Variants in HERC2 observed in about 807,000 individuals in gnomAD.
HERC2 encodes E3 ubiquitin-protein ligase HERC2.
A neutral mutation model predicts 537.7 loss-of-function variants in HERC2; 102 were observed. The ratio of observed to expected loss-of-function variants is 0.19; its 90% CI spans 0.16 to 0.22. The LOEUF is 0.22. HERC2 is among the 10% of genes least tolerant of loss of function. The pLI is 1.00. For synonymous variants in HERC2, 2,224 were observed against 2,466.2 expected (o/e 0.90, Z 2.91); for missense variants, 4,236 against 6,198.2 (o/e 0.68, Z 10.63).
chr15:28,132,929 A>C, intron 79 of HERC2, 99 bp from the exon 80 acceptor site: 9 of 966,412 alleles, frequency 9.3e-6, no homozygotes, highest in Non-Finnish European at 1.3e-5. Context: ...CTAATCAGTT[A>C]ATTGTTAAAT....
intron 20 of HERC2, among the ~76,000 whole-genome samples, chr15:28,249,863 C>T (rs1904108978): frequency 1.3e-5 from 2 of 150,582 alleles, no homozygotes; most frequent in Non-Finnish European, 3.0e-5. Flanking sequence ...ACTATGTAAA[C>T]CCAGGATGGT....
intron 4 of HERC2, among the ~76,000 whole-genome samples, chr15:28,289,181 G>A (rs1181654129): frequency 6.6e-6 from 1 of 151,974 alleles, no homozygotes; most frequent in Non-Finnish European, 1.5e-5. Flanking sequence ...GAATAAAGAA[G>A]CAAGACCTAA....
rs544750972 is a variant in HERC2, at chr15:28,303,514, T to C, written c.73-3998A>G. Reference sequence around the variant, plus strand: ...CTCCAGTTTTGTTTTTTGCTCAGGATGGCTTTGGCTATTCTGTCTCTTTTG... The same window carrying C: ...CTCCAGTTTTGTTTTTTGCTCAGGACGGCTTTGGCTATTCTGTCTCTTTTG... On this transcript the variant is annotated intron_variant, in intron 2 of 92. Transcript: ENST00000261609. 2.0e-5 allele frequency among the ~76,000 whole-genome samples: 3 copies of C among 152,356 alleles called. No homozygotes were observed. The South Asian group carries it at 6.2e-4, about 32-fold the overall frequency.
intron 55 of HERC2, among the ~76,000 whole-genome samples, chr15:28,187,931 C>T (rs776877918): frequency 1.3e-5 from 2 of 152,108 alleles, no homozygotes; most frequent in East Asian, 1.9e-4. Context: ...TTCATGTGAA[C>T]GAAGAGAGAT....
intron 72 of HERC2, 144 bp from the exon 73 acceptor site, chr15:28,144,379 C>A (rs1338601165): frequency 4.8e-6 from 4 of 829,446 alleles, no homozygotes; most frequent in Non-Finnish European, 7.4e-6. Flanking sequence ...CACTGCGAGT[C>A]GGTGAGACTC....
chr15:28,186,116 T>C (rs1258754995), intron 56 of HERC2, among the ~76,000 whole-genome samples: 1 of 152,192 alleles, frequency 6.6e-6, no homozygotes, highest in African/African-American at 2.4e-5. Context: ...AATATGAATG[T>C]ACTTAATGCC....
chr15:28,296,360 G>A (rs1021038058), intron 3 of HERC2, among the ~76,000 whole-genome samples: 3 of 152,072 alleles, frequency 2.0e-5, no homozygotes, highest in African/African-American at 7.2e-5. Flanking sequence ...TGTAATCCTA[G>A]CTACTCAGGA....
Position 28,263,105 on chromosome 15 carries a change from G to A in HERC2, c.1935C>T (p.Cys645=). Residue 645 remains cysteine (C), a synonymous_variant, in exon 15 of 93, where the codon TGC becomes TGT. Transcript: ENST00000261609. The part of the protein sequence containing the change: ...GKLGRGGSDG[C]KTPKLIEKLQ... ...GCTTTTCAATCAGCTTTGGGGTTTT[G>A]CAGCCATCACTACCACCTCTGCCCA... 1 of 1,614,144 alleles carries A rather than the reference G, an allele frequency of 6.2e-7. No homozygotes were observed. The highest frequency in any genetic ancestry group is 1.1e-5 in the South Asian group (1 of 91,084).
intron 2 of HERC2, among the ~76,000 whole-genome samples, chr15:28,318,729 C>T (rs1348330181): frequency 6.6e-6 from 1 of 152,090 alleles, no homozygotes; most frequent in Non-Finnish European, 1.5e-5. Context: ...ATGTAGGGCC[C>T]TAGGCCTGAC....
In HERC2 at chr15:28,163,248, G is replaced by A; in HGVS notation, c.10592C>T (p.Pro3531Leu). The change falls in exon 69 of 93, where the codon CCT becomes CTT. Residue 3531 changes from proline to leucine, a missense_variant. By Grantham distance (98) the Pro-to-Leu change is moderately conservative. Around this residue, in one of 27 missense-constraint regions of HERC2, gnomAD observed 356 missense variants for 450.9 expected, o/e 0.79. Transcript: ENST00000261609. The part of the protein sequence containing the change: ...ESQNKAAGPE[P>L]QALDEFTSLL... Reference sequence around the variant, plus strand: ...ACTGGTGAACTCATCCAAGGCCTGAGGCTCCGGACCTGCTGCTTTATTTTG... The same window carrying A: ...ACTGGTGAACTCATCCAAGGCCTGAAGCTCCGGACCTGCTGCTTTATTTTG... 6.2e-7 allele frequency: 1 copy of A among 1,613,788 alleles called. No homozygotes were observed.
intron 6 of HERC2, 74 bp downstream of exon 6, chr15:28,274,831 G>A: frequency 1.7e-6 from 2 of 1,166,818 alleles, no homozygotes; most frequent in Non-Finnish European, 2.5e-6. Flanking sequence ...GCACATGGTG[G>A]CTGAACCGAG....
intron 56 of HERC2, among the ~76,000 whole-genome samples, chr15:28,183,198 T>C (rs925690797): frequency 6.6e-6 from 1 of 151,990 alleles, no homozygotes; most frequent in Non-Finnish European, 1.5e-5. Context: ...CCTCAACAGG[T>C]TAGGAGTTTA....
chr15:28,251,687 C>A (rs1206269428), intron 20 of HERC2, among the ~76,000 whole-genome samples: 1 of 151,942 alleles, frequency 6.6e-6, no homozygotes, highest in Non-Finnish European at 1.5e-5. Flanking sequence ...GTGGTCCCAG[C>A]TGCTCGGGAG....
Position 28,233,467 on chromosome 15 carries a change from T to C in HERC2, c.4446A>G (p.Arg1482=), listed in dbSNP as rs759940759. The C allele has an allele frequency of 2.8e-6, 4 of 1,433,434 alleles. No homozygotes were observed. In the Admixed American group the frequency reaches 5.0e-5, roughly 18 times the overall value. 88.8% of individuals were successfully genotyped at this position (1,433,434 alleles called of 1,614,324 possible). ...TLPKSVVDVC[R]VVYQAKCSLI... ...GCGAACATTTTGCTTGGTAGACAAC[T>C]CTACAAACATCCACCACTGACTTAG... Residue 1482 remains arginine, a synonymous_variant, in exon 29 of 93, where the codon AGA becomes AGG. Transcript: ENST00000261609.
intron 71 of HERC2, among the ~76,000 whole-genome samples, chr15:28,145,800 C>T (rs1891671210): frequency 6.6e-6 from 1 of 152,220 alleles, no homozygotes; most frequent in African/African-American, 2.4e-5. Context: ...TCCCAGCTGG[C>T]CTCATGGAGC....
rs1567136985 is a variant in HERC2, at chr15:28,299,503, C to G, written c.86G>C (p.Arg29Thr). 6.9e-7 allele frequency: 1 copy of G among 1,451,568 alleles called. No homozygotes were observed. The highest frequency in any genetic ancestry group is 9.7e-7 in the Non-Finnish European group (1 of 1,032,694). The allele number at this position is 1,451,568 out of a possible 1,614,324, so 89.9% of individuals were successfully genotyped here. A position where few individuals can be genotyped will look rare whatever the true frequency, so the allele number is the denominator to read the frequency against. Residue 29 changes from arginine (R) to threonine (T), a missense_variant, in exon 3 of 93, where the codon AGA (arginine) becomes ACA (threonine). This residue lies in a region of HERC2 where 13 missense variants were observed against 43.1 expected (regional missense o/e 0.30). Coordinates refer to ENST00000261609, the MANE Select transcript of HERC2 (RefSeq NM_004667.6). ...LKTDIQLAFTRDGLCGLWNEM... is the reference protein window; with the variant it reads ...LKTDIQLAFTTDGLCGLWNEM... ...ATTCCACAGACCACAGAGCCCATCTCTTGTGAATGCAAGCTGGCAATGATA... is the reference window on the plus strand; with the variant it reads ...ATTCCACAGACCACAGAGCCCATCTGTTGTGAATGCAAGCTGGCAATGATA...
rs750356828 is a variant in HERC2 at position 28,229,816 on chromosome 15, G to C, written c.4841C>G (p.Thr1614Arg). ...CAACCACTTGTATTTGTGAACACCTGTAACAGTACTCAACAGCGGCTGCCA... is the reference window on the plus strand; with the variant it reads ...CAACCACTTGTATTTGTGAACACCTCTAACAGTACTCAACAGCGGCTGCCA... Reference protein sequence around the residue: ...DKWQPLLSTVTGVHKYKWLKQ... With the variant: ...DKWQPLLSTVRGVHKYKWLKQ... The change falls in exon 32 of 93, where the codon ACA becomes AGA. Residue 1614 changes from threonine to arginine, a missense_variant. By Grantham distance (71) the Thr-to-Arg change is moderately conservative. Around this residue, in one of 27 missense-constraint regions of HERC2, gnomAD observed 343 missense variants for 417.2 expected, o/e 0.82. Coordinates refer to ENST00000261609, the MANE Select transcript of HERC2 (RefSeq NM_004667.6). 1.4e-6 allele frequency: 2 copies of C among 1,402,106 alleles called. No individual in the cohort carries two copies. Among genetic ancestry groups the C allele is most frequent in the South Asian group, 2.3e-5 (2 of 86,658 alleles). The allele number at this position is 1,402,106 out of a possible 1,614,324, so 86.9% of individuals were successfully genotyped here. A position where few individuals can be genotyped will look rare whatever the true frequency, so the allele number is the denominator to read the frequency against.
At chr15:28,166,335 G>A (rs545428975) in intron 68 of HERC2, among the ~76,000 whole-genome samples, 1 of 152,344 alleles carries the variant, frequency 6.6e-6, no homozygotes, top group East Asian at 1.9e-4. Context: ...TGGAAAAAGG[G>A]AGAGTAGGAA....
chr15:28,282,619 T>C (rs545768504), intron 4 of HERC2, among the ~76,000 whole-genome samples: 1 of 152,266 alleles, frequency 6.6e-6, no homozygotes, highest in East Asian at 1.9e-4. Context: ...AGTTATCCAA[T>C]GTGAATAACA....
Sources: allele counts gnomAD v4.1 joint callset (sites outside exome capture counted in the v4.1 genomes callset), GRCh38; gene constraint gnomAD v4.1.1; regional missense constraint gnomAD v4.1.1; transcripts MANE v1.5; gene names NCBI Gene and HGNC (gene_info 2026-07-23, HGNC 2026-07-21).